The following ZFHX3 variants were observed in gnomAD, a reference collection of about 807,000 sequenced individuals.
ZFHX3 encodes zinc finger homeobox protein 3.
ZFHX3 carries 42 observed loss-of-function variants against 279.1 expected under a neutral mutation model. The ratio of observed to expected loss-of-function variants is 0.15; its 90% CI spans 0.12 to 0.19. The LOEUF is 0.19. Ranked by LOEUF, ZFHX3 falls within the 10% of genes least tolerant of loss-of-function variation. ZFHX3 has a pLI of 1.00. For missense variants in ZFHX3, 4,981 were observed against 4,754.0 expected (o/e 1.05, Z -1.40); for synonymous variants, 2,293 against 1,957.8 (o/e 1.17, Z -4.52).
intron 2 of ZFHX3, among the ~76,000 whole-genome samples, chr16:73,457,706 C>T (rs536308660): frequency 2.0e-5 from 3 of 152,124 alleles, no homozygotes; most frequent in Non-Finnish European, 2.9e-5. Flanking sequence ...GCCTGGGAGG[C>T]GGAGGTTGCA....
intron 1 of ZFHX3, among the ~76,000 whole-genome samples, chr16:73,866,469 AC>A (rs1962024703): frequency 6.6e-6 from 1 of 151,856 alleles, no homozygotes; most frequent in South Asian, 2.1e-4. Context: ...GGAAGAACAC[AC>A]TTTTCTCCAA....
At chr16:73,615,361 G>A (rs988734762) in intron 2 of ZFHX3, among the ~76,000 whole-genome samples, 2 of 152,136 alleles carry the variant, frequency 1.3e-5, no homozygotes, top group African/African-American at 4.8e-5. Flanking sequence ...GGTAAGACAA[G>A]CACAGGGCTG....
chr16:72,876,256 A>G (rs1429266342), intron 4 of ZFHX3, among the ~76,000 whole-genome samples: 1 of 152,226 alleles, frequency 6.6e-6, no homozygotes, highest in African/African-American at 2.4e-5. Context: ...TGTTCTCTGT[A>G]AATTCAGACT....
rs557765936 is a variant in ZFHX3 at position 73,169,656 on chromosome 16, C to T, written c.-1103-25825G>A. On this transcript the variant is annotated intron_variant, in intron 5 of 17. Transcript: ENST00000641206. ...CCTGGGCGACAGAGTGAGACGATGT[C>T]TCAAAAAAGGAAAAAAAAAAAAAAG... Among the ~76,000 whole-genome samples, 6 of 147,060 alleles carry T rather than the reference C, an allele frequency of 4.1e-5. No homozygotes were observed. The East Asian group carries it at 1.0e-3, about 24-fold the overall frequency.
chr16:72,890,012 G>T, intron 3 of ZFHX3, 50 bp from the exon 4 acceptor site: 1 of 1,531,986 alleles, frequency 6.5e-7, no homozygotes, highest in South Asian at 1.2e-5. Context: ...CACTCGAAGC[G>T]GCCACTGGCA....
In ZFHX3 at chr16:72,795,471, G is replaced by A; in HGVS notation, c.7211C>T (p.Ser2404Phe). ...CTCCGCTGTAAGCTGCAAGAAAGCG[G>A]AGGAAGCTGTATTATTGGCTGATGG... Reference protein sequence around the residue: ...PAPSANNTASSAFLQLTAEAE... With the variant: ...PAPSANNTASFAFLQLTAEAE... The change falls in exon 9 of 10, where the codon TCC (serine) becomes TTC (phenylalanine). Residue 2404 changes from serine to phenylalanine, a missense_variant. Coordinates refer to ENST00000268489, the MANE Select transcript of ZFHX3 (RefSeq NM_006885.4). 1.9e-6 allele frequency: 3 copies of A among 1,614,202 alleles called. No individual in the cohort carries two copies. The highest frequency in any genetic ancestry group is 2.5e-6 in the Non-Finnish European group (3 of 1,180,036).
chr16:73,272,613 G>A (rs2014177355), intron 4 of ZFHX3, among the ~76,000 whole-genome samples: 1 of 152,142 alleles, frequency 6.6e-6, no homozygotes, highest in South Asian at 2.1e-4. Flanking sequence ...AAAGAACCTA[G>A]CGTTATTCCC....
chr16:73,090,624 T>G (rs1401666790), intron 8 of ZFHX3, among the ~76,000 whole-genome samples: 1 of 150,334 alleles, frequency 6.7e-6, no homozygotes, highest in South Asian at 2.1e-4. Context: ...TGGTGGTTCA[T>G]GCCTGTAATC....
At chr16:73,750,469 A>G (rs1041938324) in intron 1 of ZFHX3, among the ~76,000 whole-genome samples, 6 of 152,212 alleles carry the variant, frequency 3.9e-5, no homozygotes, top group Admixed American at 3.3e-4. Flanking sequence ...GGCACACAAT[A>G]CCACGCTATG....
At chr16:72,833,903 G>A (rs1337269297) in intron 4 of ZFHX3, among the ~76,000 whole-genome samples, 5 of 152,132 alleles carry the variant, frequency 3.3e-5, no homozygotes, top group African/African-American at 4.8e-5. Flanking sequence ...TCTTCCTAGG[G>A]TCCCTTCTGC....
intron 1 of ZFHX3, among the ~76,000 whole-genome samples, chr16:73,687,191 C>T (rs2053097593): frequency 6.7e-6 from 1 of 149,298 alleles, no homozygotes. Flanking sequence ...GAGTTTGAGA[C>T]CAGCCTGGGC....
intron 2 of ZFHX3, among the ~76,000 whole-genome samples, chr16:73,570,145 CA>C (rs762556241): frequency 6.6e-6 from 1 of 152,152 alleles, no homozygotes; most frequent in Non-Finnish European, 1.5e-5. Flanking sequence ...GCCATCCTTA[CA>C]AATTTGTGTT....
chr16:73,737,776 T>G (rs527722936), intron 1 of ZFHX3, among the ~76,000 whole-genome samples: 3 of 152,350 alleles, frequency 2.0e-5, no homozygotes, highest in African/African-American at 4.8e-5. Context: ...CTGGCTTTTC[T>G]GCAGTCTCTT....
intron 3 of ZFHX3, among the ~76,000 whole-genome samples, chr16:73,419,335 C>A (rs1402311021): frequency 6.6e-6 from 1 of 152,208 alleles, no homozygotes; most frequent in East Asian, 1.9e-4. Context: ...CCTCACTTGG[C>A]AAGTGACAAC....
At chr16:73,117,299 T>A (rs1477506916) in intron 7 of ZFHX3, among the ~76,000 whole-genome samples, 2 of 152,224 alleles carry the variant, frequency 1.3e-5, no homozygotes, top group East Asian at 3.8e-4. Context: ...TACTGTTGTA[T>A]AATAAAACTT....
At position 72,957,862 on chromosome 16, in the gene ZFHX3, C is replaced by G. The variant is rs1256151723; in HGVS notation, c.2284G>C (p.Gly762Arg). 1 of 1,613,914 alleles carries G rather than the reference C, an allele frequency of 6.2e-7. No individual in the cohort carries two copies. Among genetic ancestry groups the G allele is most frequent in the African/African-American group, 1.3e-5 (1 of 74,954 alleles). Residue 762 changes from glycine (G) to arginine (R), a missense_variant, in exon 2 of 10, where the codon GGG becomes CGG. Transcript: ENST00000268489. ...NNMQNLQNGG[G>R]EQVFSHTAGA... ...GCAGTGTGGCTGAAGACCTGCTCCCCCCCTCCATTCTGCAGGTTCTGCATG... is the reference window on the plus strand; with the variant it reads ...GCAGTGTGGCTGAAGACCTGCTCCCGCCCTCCATTCTGCAGGTTCTGCATG...
At position 73,309,596 on chromosome 16, in the gene ZFHX3, G is replaced by T. The variant is rs1007588052; in HGVS notation, c.-1194+8644C>A. Among the ~76,000 whole-genome samples, 8 of 152,166 alleles carry T rather than the reference G, an allele frequency of 5.3e-5. No homozygotes were observed. In the South Asian group the frequency reaches 1.7e-3, roughly 32 times the overall value. On this transcript the variant is annotated intron_variant, in intron 4 of 17. Transcript: ENST00000641206. ...TGAGAGTGGGGTTTGCCCTTGATTA[G>T]CAGTAAAGGAAGATACTGAAAGTTA...
intron 3 of ZFHX3, among the ~76,000 whole-genome samples, chr16:73,451,183 C>G (rs1423056981): frequency 6.6e-6 from 1 of 152,164 alleles, no homozygotes; most frequent in African/African-American, 2.4e-5. Context: ...AAACAACAGG[C>G]ACCTGATCTG....
intron 2 of ZFHX3, among the ~76,000 whole-genome samples, chr16:73,573,394 T>C (rs2051761954): frequency 6.6e-6 from 1 of 152,132 alleles, no homozygotes; most frequent in South Asian, 2.1e-4. Context: ...ATGCAGGTTC[T>C]GCACCAACAG....
Sources: allele counts gnomAD v4.1 joint callset (sites outside exome capture counted in the v4.1 genomes callset), GRCh38; gene constraint gnomAD v4.1.1; transcripts MANE v1.5; gene names NCBI Gene and HGNC (gene_info 2026-07-23, HGNC 2026-07-21).